PSMD11: variants seen among roughly 807,000 people sequenced by gnomAD.
The protein encoded by PSMD11 is 26S proteasome non-ATPase regulatory subunit 11.
PSMD11 carries 5 observed loss-of-function variants against 62.3 expected under a neutral mutation model. That is an observed-to-expected ratio of 0.08 (90% CI 0.04 to 0.17). The LOEUF is 0.17. Among genes scored for constraint, PSMD11 ranks in the 10% least tolerant of loss-of-function variants. PSMD11 has a pLI of 1.00. For synonymous variants in PSMD11, 191 were observed against 191.8 expected, an observed-to-expected ratio of 1.00 and a Z score of 0.03; for missense variants, 310 against 512.9, an observed-to-expected ratio of 0.60 and a Z score of 3.82.
At chr17:32,464,256 C>G in intron 4 of PSMD11, 136 bp downstream of exon 4, 1 of 899,000 alleles carries the variant, frequency 1.1e-6, no homozygotes, top group Non-Finnish European at 1.8e-6. Flanking sequence ...TGATGGTAGC[C>G]CCACTTATGA....
rs531508787 is a variant in PSMD11 at position 32,481,834 on chromosome 17, G to A, written c.*1082G>A. 1 of 151,698 alleles carries A rather than the reference G, an allele frequency of 6.6e-6. No homozygotes were observed. Among genetic ancestry groups the A allele is most frequent in the South Asian group, 2.1e-4 (1 of 4,822 alleles). The allele number at this position is 151,698 out of a possible 1,614,324, so 9.4% of individuals were successfully genotyped here. On this transcript the variant is annotated 3_prime_UTR_variant, in exon 14 of 14. Coordinates refer to ENST00000261712, the MANE Select transcript of PSMD11 (RefSeq NM_002815.4). ...TCTTTTTTTTTTAATTTTCTTTGTT[G>A]GGTTTTTGAGCAACCTCATGTCCCC...
At chr17:32,479,562 C>T in intron 10 of PSMD11, 186 bp downstream of exon 10, 1 of 874,796 alleles carries the variant, frequency 1.1e-6, no homozygotes, top group Non-Finnish European at 1.7e-6. Context: ...TGGGTAGAGG[C>T]ATGTGGGTTG....
At chr17:32,445,569 A>G (rs1907308715) in intron 1 of PSMD11, 2 of 152,248 alleles carry the variant, frequency 1.3e-5, no homozygotes, top group Admixed American at 6.5e-5. Context: ...CGACAGAAGA[A>G]GACGTTAATG....
intron 2 of PSMD11, among the ~76,000 whole-genome samples, chr17:32,450,364 C>T (rs921594272): frequency 6.6e-6 from 1 of 151,122 alleles, no homozygotes; most frequent in Non-Finnish European, 1.5e-5. Context: ...AAGCAATTCT[C>T]GGGCCTCAGC....
In PSMD11 at chr17:32,469,007, C is replaced by T. The variant is rs777214800; in HGVS notation, c.457C>T (p.Leu153=). Residue 153 remains leucine (L), a synonymous_variant, in exon 6 of 14, where the codon CTG becomes TTG. Transcript: ENST00000261712. Reference sequence around the variant, plus strand: ...GTCTTTTCCTTTTTCAGGTTCTCAGCTGCTGCGGGAGTTGAAAAAGATGGA... The same window carrying T: ...GTCTTTTCCTTTTTCAGGTTCTCAGTTGCTGCGGGAGTTGAAAAAGATGGA... ...YQEALHLGSQ[L]LRELKKMDDK... 2 of 1,612,998 alleles carry T rather than the reference C, an allele frequency of 1.2e-6. No homozygotes were observed. Among genetic ancestry groups the T allele is most frequent in the South Asian group, 2.2e-5 (2 of 90,982 alleles).
At chr17:32,458,214 A>C (rs968531572) in intron 3 of PSMD11, among the ~76,000 whole-genome samples, 8 of 152,124 alleles carry the variant, frequency 5.3e-5, no homozygotes, top group African/African-American at 1.9e-4. Context: ...GCCCTCTGAT[A>C]ATTTTATTCC....
chr17:32,475,331 CT>C (rs530887191), intron 8 of PSMD11, among the ~76,000 whole-genome samples: 334 of 143,156 alleles, frequency 2.3e-3, no homozygotes, highest in East Asian at 6.1e-3. Flanking sequence ...AAAAGAGGCC[CT>C]TTTTTTTTTT....
intron 2 of PSMD11, among the ~76,000 whole-genome samples, chr17:32,452,085 C>G: frequency 6.6e-6 from 1 of 152,184 alleles, no homozygotes; most frequent in East Asian, 1.9e-4. Context: ...GGTCTGCATG[C>G]CACCTGTTTT....
chr17:32,450,122 G>A (rs1467895275), intron 2 of PSMD11, among the ~76,000 whole-genome samples: 2 of 151,966 alleles, frequency 1.3e-5, no homozygotes, highest in South Asian at 2.1e-4. Flanking sequence ...CACCACCCCC[G>A]GTTAATTTCT....
At chr17:32,460,063 A>G (rs527746251) in intron 3 of PSMD11, among the ~76,000 whole-genome samples, 37 of 152,286 alleles carry the variant, frequency 2.4e-4, no homozygotes, top group African/African-American at 8.4e-4. Flanking sequence ...CAAAATGGGA[A>G]GTTTTATTTA....
At chr17:32,477,656 T>G (rs1908368114) in intron 9 of PSMD11, 73 bp downstream of exon 9, 2 of 1,320,460 alleles carry the variant, frequency 1.5e-6, no homozygotes, top group Admixed American at 4.1e-5. Flanking sequence ...AAACACACTT[T>G]TAAAAATAAT....
intron 2 of PSMD11, among the ~76,000 whole-genome samples, chr17:32,453,279 T>G (rs1907559154): frequency 6.6e-6 from 1 of 152,190 alleles, no homozygotes; most frequent in Admixed American, 6.5e-5. Flanking sequence ...GGACTTCAGA[T>G]GGACCTAAAA....
chr17:32,465,095 T>A (rs1009578388), intron 5 of PSMD11, among the ~76,000 whole-genome samples: 6 of 151,350 alleles, frequency 4.0e-5, no homozygotes, highest in South Asian at 2.1e-4. Context: ...TTTTTTTTTT[T>A]AATCTATCTA....
At chr17:32,457,200 A>G (rs1907678086) in intron 3 of PSMD11, among the ~76,000 whole-genome samples, 2 of 152,142 alleles carry the variant, frequency 1.3e-5, no homozygotes, top group African/African-American at 4.8e-5. Flanking sequence ...GCATTGTATC[A>G]TTTTATCATC....
chr17:32,451,142 A>G (rs1271259832), intron 2 of PSMD11, among the ~76,000 whole-genome samples: 3 of 151,766 alleles, frequency 2.0e-5, no homozygotes, highest in Non-Finnish European at 4.4e-5. Flanking sequence ...AAAAGAAAAA[A>G]GAAAAAGACA....
chr17:32,444,679 A>C, intron 1 of PSMD11, 65 bp downstream of exon 1: 5 of 1,585,950 alleles, frequency 3.2e-6, no homozygotes, highest in Non-Finnish European at 4.3e-6. Context: ...GGTCGGCGGC[A>C]GCGGAGAGGG....
At chr17:32,480,006 T>G in intron 11 of PSMD11, 120 bp downstream of exon 11, 1 of 1,483,628 alleles carries the variant, frequency 6.7e-7, no homozygotes, top group Admixed American at 1.7e-5. Context: ...GAATGGGCAG[T>G]GTGGACTAGA....
At chr17:32,479,797 T>C (rs1908436635) in intron 10 of PSMD11, 54 bp from the exon 11 acceptor site, 2 of 1,567,858 alleles carry the variant, frequency 1.3e-6, no homozygotes, top group Non-Finnish European at 1.8e-6. Context: ...CCTTCTCTTA[T>C]TGGAGGCAAA....
At chr17:32,467,242 C>CTTTTTTT (rs751751489) in intron 5 of PSMD11, among the ~76,000 whole-genome samples, 13 of 120,534 alleles carry the variant, frequency 1.1e-4, no homozygotes, top group African/African-American at 3.2e-4. Context: ...CATGCCCGGC[C>CTTTTTTT]TTTTTTTTTT....
Sources: allele counts gnomAD v4.1 joint callset (sites outside exome capture counted in the v4.1 genomes callset), GRCh38; gene constraint gnomAD v4.1.1; transcripts MANE v1.5; gene names NCBI Gene and HGNC (gene_info 2026-07-23, HGNC 2026-07-21).